Variants in MAN2A1 observed in about 807,000 individuals in gnomAD.
MAN2A1 encodes the protein mannosidase alpha class 2A member 1, also known as alpha-mannosidase 2.
In MAN2A1, 76 loss-of-function variants were observed where a neutral mutation model predicts 142.6. The ratio of observed to expected loss-of-function variants is 0.53; its 90% CI spans 0.44 to 0.65. MAN2A1 has a LOEUF of 0.65. Ranked by LOEUF, MAN2A1 falls within the 30% of genes least tolerant of loss-of-function variation. The pLI, the probability that MAN2A1 is intolerant of heterozygous loss-of-function variation, is 0.00. For synonymous variants in MAN2A1, 559 were observed against 473.2 expected (o/e 1.18, Z -2.35); for missense variants, 1,311 against 1,365.1 (o/e 0.96, Z 0.62).
intron 12 of MAN2A1, among the ~76,000 whole-genome samples, chr5:109,809,733 ATCACAGAGTTTTT>A (rs1179358260): frequency 2.0e-5 from 3 of 152,200 alleles, no homozygotes; most frequent in Admixed American, 6.5e-5. Context: ...CCGTTTGGGG[ATCACAGAGTTTTT>A]TTGTATCTGT....
At chr5:109,690,686 T>C (rs1359064337) in intron 1 of MAN2A1, 134 bp downstream of exon 1, 1 of 1,010,468 alleles carries the variant, frequency 9.9e-7, no homozygotes, top group East Asian at 2.6e-5. Flanking sequence ...GCTCTGTAGC[T>C]CTCGGACGGC....
At chr5:109,730,744 A>C (rs1031234267) in intron 4 of MAN2A1, among the ~76,000 whole-genome samples, 1 of 152,184 alleles carries the variant, frequency 6.6e-6, no homozygotes, top group African/African-American at 2.4e-5. Flanking sequence ...AATTCTGTGA[A>C]ATAGGTACAA....
chr5:109,734,470 C>G (rs1383276218), intron 4 of MAN2A1, among the ~76,000 whole-genome samples: 1 of 152,064 alleles, frequency 6.6e-6, no homozygotes, highest in East Asian at 1.9e-4. Context: ...GTTAGGGTGT[C>G]AATTTTGGAT....
At position 109,820,264 on chromosome 5, in the gene MAN2A1, G is replaced by C; in HGVS notation, c.2373G>C (p.Val791=). 6.2e-7 allele frequency: 1 copy of C among 1,610,264 alleles called. No individual in the cohort carries two copies. The highest frequency in any genetic ancestry group is 1.3e-5 in the African/African-American group (1 of 74,928). ...KEDGKHHEVN[V]QFSWYGTTIK... ...ATGGTAAACACCATGAAGTAAATGT[G>C]CAATTTTCATGGTATGGAACCACAA... is the stretch of plus-strand genomic sequence containing the variant. The change falls in exon 15 of 22, where the codon GTG becomes GTC. Residue 791 remains valine, a synonymous_variant. Transcript: ENST00000261483.
chr5:109,863,549 ATAGT>A (rs1755808465), intron 20 of MAN2A1: 1 of 152,204 alleles, frequency 6.6e-6, no homozygotes, highest in African/African-American at 2.4e-5. Flanking sequence ...AGCTACTTAC[ATAGT>A]ATTTTCAACA....
At chr5:109,735,193 A>G (rs2112594309) in intron 4 of MAN2A1, among the ~76,000 whole-genome samples, 1 of 151,914 alleles carries the variant, frequency 6.6e-6, no homozygotes, top group African/African-American at 2.4e-5. Flanking sequence ...TAGGATTGCA[A>G]CCCCTGCCTT....
intron 12 of MAN2A1, among the ~76,000 whole-genome samples, chr5:109,790,894 A>G (rs1181752773): frequency 6.6e-6 from 1 of 152,084 alleles, no homozygotes; most frequent in Non-Finnish European, 1.5e-5. Context: ...AGGTCAGAAG[A>G]AAAGATGTTC....
intron 12 of MAN2A1, among the ~76,000 whole-genome samples, chr5:109,794,767 G>A (rs1431006793): frequency 6.6e-6 from 1 of 151,958 alleles, no homozygotes; most frequent in Non-Finnish European, 1.5e-5. Flanking sequence ...TATTGGATTT[G>A]AAGGATGAGT....
intron 4 of MAN2A1, among the ~76,000 whole-genome samples, chr5:109,749,689 G>A (rs1314018752): frequency 6.6e-6 from 1 of 151,922 alleles, no homozygotes; most frequent in Non-Finnish European, 1.5e-5. Context: ...TAGAAATTAA[G>A]CAATAGACCC....
At chr5:109,821,702 C>T (rs1281625440) in intron 15 of MAN2A1, among the ~76,000 whole-genome samples, 1 of 152,042 alleles carries the variant, frequency 6.6e-6, no homozygotes, top group Non-Finnish European at 1.5e-5. Flanking sequence ...ATTTATCTTT[C>T]ATATTTCTTT....
At chr5:109,779,923 C>T (rs189678107) in intron 8 of MAN2A1, among the ~76,000 whole-genome samples, 73 of 152,234 alleles carry the variant, frequency 4.8e-4, no homozygotes, top group African/African-American at 1.3e-3. Flanking sequence ...ATATATTGCA[C>T]CACAACTAGA....
At position 109,706,021 on chromosome 5, in the gene MAN2A1, G is replaced by C. The variant is rs138259445; in HGVS notation, c.136-7499G>C. Among the ~76,000 whole-genome samples, 4 of 152,296 alleles carry C rather than the reference G, an allele frequency of 2.6e-5. No homozygotes were observed. The East Asian group carries it at 7.7e-4, about 29-fold the overall frequency. On this transcript the variant is annotated intron_variant, in intron 1 of 21. Transcript: ENST00000261483. ...AAATTCCTTTTGTCATGTAAGGCAAGGTATTCACAGATTTCAGGGATTATT... is the reference window on the plus strand; with the variant it reads ...AAATTCCTTTTGTCATGTAAGGCAACGTATTCACAGATTTCAGGGATTATT...
chr5:109,771,339 A>G (rs982434186), intron 7 of MAN2A1, among the ~76,000 whole-genome samples: 3 of 152,160 alleles, frequency 2.0e-5, no homozygotes, highest in African/African-American at 7.2e-5. Context: ...AAATCAGTTT[A>G]TTTTCAAAAG....
chr5:109,708,509 GACACAC>G lies in MAN2A1; in HGVS notation c.136-4979_136-4974del, dbSNP rs145989678. Among the ~76,000 whole-genome samples the G allele has an allele frequency of 1.3e-3, 166 of 124,604 alleles. 1 individual carries two copies. Among genetic ancestry groups the G allele is most frequent in the African/African-American group, 4.9e-3 (156 of 31,948 alleles). The allele number at this position is 124,604 out of a possible 152,430, so 81.7% of individuals were successfully genotyped here. On this transcript the variant is annotated intron_variant, in intron 1 of 21. Transcript: ENST00000261483. ...TTCTCCAGAAAGACAGAACTGATAG[GACACAC>G]ACACACACACACACACACACACACA...
chr5:109,705,206 C>G (rs1376241685), intron 1 of MAN2A1, among the ~76,000 whole-genome samples: 1 of 152,044 alleles, frequency 6.6e-6, no homozygotes, highest in Admixed American at 6.6e-5. Flanking sequence ...CCTTCCTGTC[C>G]AAGCTACCAT....
intron 16 of MAN2A1, among the ~76,000 whole-genome samples, chr5:109,839,501 T>C (rs1373782487): frequency 2.1e-5 from 3 of 145,834 alleles, no homozygotes; most frequent in Non-Finnish European, 4.5e-5. Flanking sequence ...TGGTTCAGAC[T>C]ATGGCCATTA....
At chr5:109,792,956 A>G (rs1164660180) in intron 12 of MAN2A1, among the ~76,000 whole-genome samples, 1 of 152,094 alleles carries the variant, frequency 6.6e-6, no homozygotes, top group Non-Finnish European at 1.5e-5. Context: ...CTTAAGACCT[A>G]GCTTTGGAAG....
chr5:109,827,708 C>T (rs1038051369), intron 16 of MAN2A1, among the ~76,000 whole-genome samples: 4 of 152,138 alleles, frequency 2.6e-5, no homozygotes, highest in African/African-American at 9.7e-5. Flanking sequence ...TTTTCATTAT[C>T]GTTCAGACAT....
intron 3 of MAN2A1, among the ~76,000 whole-genome samples, chr5:109,728,251 TTTTA>T (rs1301255002): frequency 3.3e-5 from 5 of 152,128 alleles, no homozygotes; most frequent in African/African-American, 9.7e-5. Flanking sequence ...GGCTTTTATT[TTTTA>T]TTTATTTATT....
Sources: allele counts gnomAD v4.1 joint callset (sites outside exome capture counted in the v4.1 genomes callset), GRCh38; gene constraint gnomAD v4.1.1; transcripts MANE v1.5; gene names NCBI Gene and HGNC (gene_info 2026-07-23, HGNC 2026-07-21).